Variants in PCDH9 observed in about 807,000 individuals in gnomAD.
PCDH9 encodes the protein protocadherin-9.
In PCDH9, 24 loss-of-function variants were observed where a neutral mutation model predicts 70.6. The observed-to-expected ratio is 0.34, with a 90% CI of 0.25 to 0.48. The LOEUF (loss-of-function observed/expected upper bound fraction) is 0.48, where lower values mean the gene tolerates loss of function less well. PCDH9 is among the 20% of genes least tolerant of loss of function. PCDH9 has a pLI of 0.99. For synonymous variants in PCDH9, 562 were observed against 558.5 expected (o/e 1.01, Z -0.09); for missense variants, 1,281 against 1,503.6 (o/e 0.85, Z 2.45).
At chr13:66,737,251 G>A (rs1195722964) in intron 3 of PCDH9, among the ~76,000 whole-genome samples, 2 of 151,976 alleles carry the variant, frequency 1.3e-5, no homozygotes, top group Admixed American at 6.5e-5. Flanking sequence ...TTTTGGTTTT[G>A]TCTGGTTTCT....
At chr13:67,194,937 A>G (rs895256468) in intron 2 of PCDH9, among the ~76,000 whole-genome samples, 2 of 152,216 alleles carry the variant, frequency 1.3e-5, no homozygotes, top group East Asian at 3.8e-4. Context: ...TATCAAAAAA[A>G]GTCATTTGTA....
In PCDH9 at chr13:66,435,861, T is replaced by TG. The variant is rs1957860032; in HGVS notation, c.3341-130834dup. Among the ~76,000 whole-genome samples the TG allele has an allele frequency of 6.6e-5, 10 of 152,284 alleles. 2 individuals carry two copies. The highest frequency in any genetic ancestry group is 2.4e-4 in the African/African-American group (10 of 41,562). On this transcript the variant is annotated intron_variant, in intron 4 of 4. Transcript: ENST00000377865. ...GAGATTACAATGGGAGCCAGCGACT[T>TG]GGAGAAGAAAGTTATTTTCTCTAGA...
intron 3 of PCDH9, among the ~76,000 whole-genome samples, chr13:66,701,714 A>C (rs1232086553): frequency 6.6e-6 from 1 of 152,058 alleles, no homozygotes; most frequent in Non-Finnish European, 1.5e-5. Context: ...TAACAAGATA[A>C]TTTCATAGAC....
intron 2 of PCDH9, among the ~76,000 whole-genome samples, chr13:67,075,714 T>C (rs929384262): frequency 6.6e-6 from 1 of 152,136 alleles, no homozygotes; most frequent in Non-Finnish European, 1.5e-5. Context: ...CAAGATCTAG[T>C]GTTTTTCTTA....
chr13:66,329,989 GT>G (rs1313597627), intron 4 of PCDH9, among the ~76,000 whole-genome samples: 1 of 152,110 alleles, frequency 6.6e-6, no homozygotes, highest in Admixed American at 6.5e-5. Context: ...TATAAATGTT[GT>G]ATTAAGCACT....
intron 2 of PCDH9, among the ~76,000 whole-genome samples, chr13:67,021,128 G>A (rs916161757): frequency 6.6e-6 from 1 of 152,038 alleles, no homozygotes; most frequent in Non-Finnish European, 1.5e-5. Context: ...GCCATTCAGT[G>A]TACAACTCAT....
chr13:66,655,607 T>C (rs531139326), intron 3 of PCDH9, among the ~76,000 whole-genome samples: 9 of 152,120 alleles, frequency 5.9e-5, no homozygotes, highest in Non-Finnish European at 1.2e-4. Flanking sequence ...GGAATATATA[T>C]ATTTATAAAA....
chr13:67,196,432 T>C (rs961391521), intron 2 of PCDH9, among the ~76,000 whole-genome samples: 5 of 152,000 alleles, frequency 3.3e-5, no homozygotes, highest in Admixed American at 6.6e-5. Context: ...TAAGAAAAAC[T>C]TCTTCCATCT....
chr13:66,903,916 C>T (rs1375138121), intron 2 of PCDH9, among the ~76,000 whole-genome samples: 2 of 151,762 alleles, frequency 1.3e-5, no homozygotes, highest in Non-Finnish European at 2.9e-5. Flanking sequence ...TTATACGGTG[C>T]TATTTGGGTG....
chr13:66,701,354 TA>T (rs1219479774), intron 3 of PCDH9, among the ~76,000 whole-genome samples: 1 of 151,960 alleles, frequency 6.6e-6, no homozygotes, highest in Non-Finnish European at 1.5e-5. Context: ...CATGTATGAG[TA>T]TGTAAATATA....
At chr13:66,947,442 T>C (rs2139694966) in intron 2 of PCDH9, among the ~76,000 whole-genome samples, 1 of 152,258 alleles carries the variant, frequency 6.6e-6, no homozygotes, top group Non-Finnish European at 1.5e-5. Context: ...CCCCTTATTA[T>C]GAGTGTAATG....
At chr13:67,055,708 C>A (rs778909136) in intron 2 of PCDH9, among the ~76,000 whole-genome samples, 1 of 151,706 alleles carries the variant, frequency 6.6e-6, no homozygotes, top group Non-Finnish European at 1.5e-5. Flanking sequence ...GCTGAAGTGG[C>A]GGGATGCCAT....
At chr13:67,205,559 T>C (rs982526604) in intron 2 of PCDH9, 1 of 152,184 alleles carries the variant, frequency 6.6e-6, no homozygotes, top group Admixed American at 6.5e-5. Context: ...TTTGAACACA[T>C]AAATCTTTTT....
At chr13:66,994,655 G>A (rs2084073418) in intron 2 of PCDH9, among the ~76,000 whole-genome samples, 1 of 152,210 alleles carries the variant, frequency 6.6e-6, no homozygotes. Flanking sequence ...CTAGATGGCT[G>A]GGGACTTCTG....
intron 2 of PCDH9, among the ~76,000 whole-genome samples, chr13:67,116,895 A>G (rs181357086): frequency 6.6e-5 from 10 of 152,264 alleles, no homozygotes; most frequent in African/African-American, 2.4e-4. Flanking sequence ...TTGTCCCCTC[A>G]TTATTAATGT....
chr13:66,724,413 A>T (rs1029181703), intron 3 of PCDH9, among the ~76,000 whole-genome samples: 15 of 152,288 alleles, frequency 9.8e-5, no homozygotes, highest in Admixed American at 5.9e-4. Context: ...TTCTATACAC[A>T]TTGACATGGA....
intron 2 of PCDH9, among the ~76,000 whole-genome samples, chr13:67,187,800 C>T (rs187009852): frequency 7.2e-5 from 11 of 152,022 alleles, no homozygotes; most frequent in Non-Finnish European, 1.2e-4. Context: ...CAGTTGTACA[C>T]ATTTATGAGG....
At chr13:67,216,758 A>T (rs1333678523) in intron 2 of PCDH9, 1 of 148,056 alleles carries the variant, frequency 6.8e-6, no homozygotes, top group Non-Finnish European at 1.5e-5. Flanking sequence ...ATCACTTTAA[A>T]ATCCATCAAG....
chr13:66,559,843 C>T (rs936053754), intron 4 of PCDH9, among the ~76,000 whole-genome samples: 18 of 143,816 alleles, frequency 1.3e-4, no homozygotes, highest in African/African-American at 3.9e-4. Flanking sequence ...TACACACACA[C>T]ACACACACAC....
Sources: gnomAD v4.1 joint callset for allele counts (sites outside exome capture counted in the v4.1 genomes callset) on GRCh38, gnomAD v4.1.1 for gene constraint, MANE v1.5 for transcripts, NCBI Gene and HGNC (gene_info 2026-07-23, HGNC 2026-07-21) for gene names.